LAMA2: variants seen among roughly 807,000 people sequenced by gnomAD.
The protein encoded by LAMA2 is laminin subunit alpha-2.
In LAMA2, 269 loss-of-function variants were observed where a neutral mutation model predicts 364.8. That is an observed-to-expected ratio of 0.74 (90% CI 0.67 to 0.82). LAMA2 has a LOEUF of 0.82. Ranked by LOEUF, LAMA2 falls within the 40% of genes least tolerant of loss-of-function variation. The pLI is 0.00. For synonymous variants in LAMA2, 1,379 were observed against 1,370.6 expected (o/e 1.01, Z -0.14); for missense variants, 3,807 against 3,873.2 (o/e 0.98, Z 0.45).
At chr6:129,438,481 T>C (rs185340557) in intron 41 of LAMA2, among the ~76,000 whole-genome samples, 165 bp from the exon 42 acceptor site, 325 of 152,094 alleles carry the variant, frequency 2.1e-3, no homozygotes, top group African/African-American at 7.4e-3. Flanking sequence ...ACACATATTT[T>C]TAAAATATGA....
intron 18 of LAMA2, among the ~76,000 whole-genome samples, chr6:129,287,136 G>T (rs1289033261): frequency 6.9e-6 from 1 of 144,878 alleles, no homozygotes; most frequent in Non-Finnish European, 1.5e-5. Flanking sequence ...AGAAAGAAAG[G>T]AAGAAAGGGA....
chr6:129,443,069 G>C lies in LAMA2; in HGVS notation c.6274+1G>C, dbSNP rs1312619350. On this transcript the variant is annotated splice_donor_variant, in intron 44 of 64. Coordinates refer to ENST00000421865, the MANE Select transcript of LAMA2 (RefSeq NM_000426.4). LOFTEE classifies it high-confidence loss of function. Reference sequence around the variant, plus strand: ...CATGTGAAATTGCCTGCAGAAATCAGTACGTATATGTTTACTTATATACCT... The same window carrying C: ...CATGTGAAATTGCCTGCAGAAATCACTACGTATATGTTTACTTATATACCT... 1.9e-6 allele frequency: 3 copies of C among 1,592,712 alleles called. No individual in the cohort carries two copies. The African/African-American group carries it at 4.1e-5, about 22-fold the overall frequency.
At chr6:129,093,281 G>A (rs1010235456) in intron 3 of LAMA2, among the ~76,000 whole-genome samples, 57 of 108,808 alleles carry the variant, frequency 5.2e-4, no homozygotes, top group Non-Finnish European at 3.0e-4. Flanking sequence ...GAGCCACCGT[G>A]CCCGGCCGAG....
At chr6:129,502,026 G>A (rs1785682923) in intron 58 of LAMA2, among the ~76,000 whole-genome samples, 1 of 152,156 alleles carries the variant, frequency 6.6e-6, no homozygotes, top group African/African-American at 2.4e-5. Context: ...CTCCCCCTCA[G>A]CACCCTAGGA....
rs577199669 is a variant in LAMA2 at position 129,229,806 on chromosome 6, G to A, written c.1783-20306G>A. 7.9e-5 allele frequency among the ~76,000 whole-genome samples: 12 copies of A among 152,270 alleles called. No individual in the cohort carries two copies. The South Asian group carries it at 2.1e-3, about 26-fold the overall frequency. On this transcript the variant is annotated intron_variant, in intron 12 of 64. Transcript: ENST00000421865. ...AGGATTATTTCCCAACTATGGACCT[G>A]AGCAACTAAAAGACTTGTCATTGAT...
chr6:128,935,308 A>G (rs937920025), intron 1 of LAMA2, among the ~76,000 whole-genome samples: 3 of 151,148 alleles, frequency 2.0e-5, no homozygotes, highest in African/African-American at 7.3e-5. Flanking sequence ...GAGTGAGAAC[A>G]CACACTGTTT....
At position 129,264,312 on chromosome 6, in the gene LAMA2, T is replaced by C. The variant is rs181664690; in HGVS notation, c.2209-2794T>C. Among the ~76,000 whole-genome samples the C allele has an allele frequency of 3.3e-3, 501 of 152,110 alleles. 15 individuals are homozygous for C. Among genetic ancestry groups the C allele is most frequent in the Admixed American group, 0.031 (475 of 15,258 alleles). The stretch of plus-strand genomic sequence containing the variant: ...AAATAAAGAGTTTAAGAATGAGTCA[T>C]AGATGACCAGTTTGAATGATTGATC... On this transcript the variant is annotated intron_variant, in intron 15 of 64. Coordinates refer to ENST00000421865, the MANE Select transcript of LAMA2 (RefSeq NM_000426.4).
intron 4 of LAMA2, among the ~76,000 whole-genome samples, chr6:129,131,640 C>T (rs919361324): frequency 2.0e-5 from 3 of 152,122 alleles, no homozygotes; most frequent in Non-Finnish European, 4.4e-5. Context: ...GTACAGATGT[C>T]GAGGTGCACA....
intron 1 of LAMA2, among the ~76,000 whole-genome samples, chr6:128,946,577 C>T (rs1050495962): frequency 6.6e-5 from 10 of 152,130 alleles, no homozygotes; most frequent in Non-Finnish European, 1.2e-4. Flanking sequence ...GAAGTTCAAC[C>T]GTCATAAATT....
chr6:129,380,957 G>C (rs943802164), intron 34 of LAMA2, among the ~76,000 whole-genome samples: 5 of 152,138 alleles, frequency 3.3e-5, no homozygotes, highest in African/African-American at 1.2e-4. Flanking sequence ...CAATGAATAT[G>C]ATCTTGATCA....
At chr6:128,969,249 T>C (rs921109487) in intron 1 of LAMA2, among the ~76,000 whole-genome samples, 1 of 152,188 alleles carries the variant, frequency 6.6e-6, no homozygotes, top group Non-Finnish European at 1.5e-5. Context: ...CAATAACATG[T>C]TGTAATAATC....
chr6:129,485,790 T>G (rs1000610768), intron 55 of LAMA2, among the ~76,000 whole-genome samples: 3 of 152,166 alleles, frequency 2.0e-5, no homozygotes, highest in Admixed American at 6.5e-5. Context: ...AGATGACTCA[T>G]GGAGAACTGA....
At chr6:129,315,390 C>G in intron 24 of LAMA2, 86 bp from the exon 25 acceptor site, 1 of 1,164,394 alleles carries the variant, frequency 8.6e-7, no homozygotes, top group Non-Finnish European at 1.3e-6. Flanking sequence ...ATAGGAACTG[C>G]AGATAGACAT....
At chr6:128,929,865 A>G (rs569903520) in intron 1 of LAMA2, 9 of 973,650 alleles carry the variant, frequency 9.2e-6, no homozygotes, top group African/African-American at 6.4e-5. Context: ...GAAGACTTCC[A>G]CGAGTGAAGA....
At chr6:129,165,141 A>G (rs1779666107) in intron 8 of LAMA2, among the ~76,000 whole-genome samples, 1 of 151,878 alleles carries the variant, frequency 6.6e-6, no homozygotes, top group African/African-American at 2.4e-5. Flanking sequence ...ATATATACAT[A>G]TGAACTATAT....
chr6:129,315,043 C>T (rs1490916026), intron 24 of LAMA2, among the ~76,000 whole-genome samples: 2 of 152,032 alleles, frequency 1.3e-5, no homozygotes, highest in South Asian at 2.1e-4. Flanking sequence ...AAAGAGGAAC[C>T]TTGTCCGGGA....
chr6:128,982,356 G>T (rs1246455041), intron 1 of LAMA2, among the ~76,000 whole-genome samples: 1 of 152,100 alleles, frequency 6.6e-6, no homozygotes, highest in South Asian at 2.1e-4. Flanking sequence ...TTATATTTAT[G>T]TGGTGTTTGC....
chr6:129,301,494 G>A (rs1363553316), intron 22 of LAMA2, among the ~76,000 whole-genome samples: 3 of 151,990 alleles, frequency 2.0e-5, no homozygotes, highest in Admixed American at 1.3e-4. Flanking sequence ...TATAGGGCGC[G>A]AGTTACATTT....
intron 1 of LAMA2, among the ~76,000 whole-genome samples, chr6:128,912,388 A>G (rs1350967193): frequency 6.6e-6 from 1 of 152,188 alleles, no homozygotes; most frequent in African/African-American, 2.4e-5. Flanking sequence ...TAAAGATAAA[A>G]GTTGGCTCTA....
Sources: gnomAD v4.1 joint callset for allele counts (sites outside exome capture counted in the v4.1 genomes callset) on GRCh38, gnomAD v4.1.1 for gene constraint, MANE v1.5 for transcripts, NCBI Gene and HGNC (gene_info 2026-07-23, HGNC 2026-07-21) for gene names.